ARHGEF3: variants seen among roughly 807,000 people sequenced by gnomAD.
ARHGEF3 encodes Rho guanine nucleotide exchange factor 3, also known as 59.8 kDA protein.
In ARHGEF3, 28 loss-of-function variants were observed where a neutral mutation model predicts 63.2. That is an observed-to-expected ratio of 0.44 (90% CI 0.33 to 0.61). The LOEUF (loss-of-function observed/expected upper bound fraction) is 0.61, where lower values mean the gene tolerates loss of function less well. Among genes scored for constraint, ARHGEF3 ranks in the 20% least tolerant of loss-of-function variants. The pLI, the probability that ARHGEF3 is intolerant of heterozygous loss-of-function variation, is 0.03. For synonymous variants in ARHGEF3, 266 were observed against 254.2 expected (o/e 1.05, Z -0.44); for missense variants, 533 against 659.3 (o/e 0.81, Z 2.10).
rs537848963 is a variant in ARHGEF3 at position 57,010,177 on chromosome 3, G to A, written c.62+24911C>T. On this transcript the variant is annotated intron_variant, in intron 2 of 12. Transcript: ENST00000338458. Reference sequence around the variant, plus strand: ...CCATTATTAAAAACCACAGTGGGCCGGGCGTGGTGGCTCACGCCTGTAATC... The same window carrying A: ...CCATTATTAAAAACCACAGTGGGCCAGGCGTGGTGGCTCACGCCTGTAATC... Among the ~76,000 whole-genome samples, 584 of 152,248 alleles carry A rather than the reference G, an allele frequency of 3.8e-3. 7 individuals are homozygous for A. Among genetic ancestry groups the A allele is most frequent in the African/African-American group, 5.0e-3 (206 of 41,566 alleles).
intron 8 of ARHGEF3, among the ~76,000 whole-genome samples, chr3:56,733,527 A>G (rs1023197740): frequency 6.6e-6 from 1 of 152,052 alleles, no homozygotes; most frequent in African/African-American, 2.4e-5. Flanking sequence ...GTCTATAAAA[A>G]ATGAGACTGG....
At chr3:56,964,117 C>T (rs947587072) in intron 2 of ARHGEF3, among the ~76,000 whole-genome samples, 10 of 151,966 alleles carry the variant, frequency 6.6e-5, no homozygotes, top group African/African-American at 1.9e-4. Context: ...TTTGGGAGGC[C>T]GAGGCAGGCA....
intron 3 of ARHGEF3, among the ~76,000 whole-genome samples, chr3:56,913,138 C>T (rs1017190532): frequency 7.3e-6 from 1 of 137,648 alleles, no homozygotes; most frequent in South Asian, 2.4e-4. Context: ...CAGAGCAAGA[C>T]CTTGTCTCCT....
At chr3:56,766,334 G>A (rs2035700333) in intron 2 of ARHGEF3, among the ~76,000 whole-genome samples, 1 of 152,198 alleles carries the variant, frequency 6.6e-6, no homozygotes, top group Non-Finnish European at 1.5e-5. Flanking sequence ...AGAGGATGGA[G>A]CAATGAGAGG....
rs1347165680 is a variant in ARHGEF3 at position 56,728,655 on chromosome 3, TC to T, written c.*614del. 1.3e-5 allele frequency: 2 copies of T among 152,598 alleles called. No individual in the cohort carries two copies. The highest frequency in any genetic ancestry group is 2.9e-5 in the Non-Finnish European group (2 of 68,184). 9.5% of individuals were successfully genotyped at this position (152,598 alleles called of 1,614,324 possible). A position where few individuals can be genotyped will look rare whatever the true frequency, so the allele number is the denominator to read the frequency against. On this transcript the variant is annotated 3_prime_UTR_variant, in exon 10 of 10. Coordinates refer to ENST00000296315, the MANE Select transcript of ARHGEF3 (RefSeq NM_019555.3). ...TTTTATGTCCTAATACATTCTTGCA[TC>T]AAACTTGCACTGGATGAAGTTGCAA...
In ARHGEF3 at chr3:56,897,049, A is replaced by G. The variant is rs149655493; in HGVS notation, c.130-14695T>C. On this transcript the variant is annotated intron_variant, in intron 3 of 12. Coordinates refer to the ARHGEF3 transcript ENST00000338458. ...TTTAGTGTCCACTGACGATTTTTCA[A>G]CTCTATCATCCCTTCAATGTTTATA... is the stretch of plus-strand genomic sequence containing the variant. Among the ~76,000 whole-genome samples the G allele has an allele frequency of 7.2e-5, 11 of 152,156 alleles. No homozygotes were observed. In the East Asian group the frequency reaches 1.9e-3, roughly 27 times the overall value.
intron 4 of ARHGEF3, among the ~76,000 whole-genome samples, chr3:56,862,421 CA>C (rs1192546587): frequency 6.6e-6 from 1 of 152,154 alleles, no homozygotes; most frequent in Non-Finnish European, 1.5e-5. Flanking sequence ...AAGCTTTTAT[CA>C]GGATTATTTC....
Position 56,959,133 on chromosome 3 carries a change from A to G in ARHGEF3, c.63-244T>C, listed in dbSNP as rs564913329. Reference sequence around the variant, plus strand: ...GCCCTTCATCTGTATAAAGTAAAATAAAATCTAACACGCAACCTGGATGCA... The same window carrying G: ...GCCCTTCATCTGTATAAAGTAAAATGAAATCTAACACGCAACCTGGATGCA... On this transcript the variant is annotated intron_variant, in intron 2 of 12. Coordinates refer to the ARHGEF3 transcript ENST00000338458. Among the ~76,000 whole-genome samples the G allele has an allele frequency of 1.0e-3, 155 of 152,302 alleles. 1 individual carries two copies. Among genetic ancestry groups the G allele is most frequent in the Middle Eastern group, 6.8e-3 (2 of 294 alleles).
intron 1 of ARHGEF3, among the ~76,000 whole-genome samples, chr3:57,060,141 G>A (rs899916922): frequency 2.0e-5 from 3 of 152,014 alleles, no homozygotes; most frequent in Admixed American, 1.3e-4. Context: ...ACAACATAGC[G>A]AGACCCCATC....
chr3:56,872,892 A>C (rs575211357), intron 4 of ARHGEF3, among the ~76,000 whole-genome samples: 4 of 152,358 alleles, frequency 2.6e-5, no homozygotes, highest in African/African-American at 9.6e-5. Flanking sequence ...ACTTAACAAT[A>C]AAGTTGATTT....
At chr3:56,951,516 C>T (rs1699812378) in intron 3 of ARHGEF3, among the ~76,000 whole-genome samples, 1 of 152,000 alleles carries the variant, frequency 6.6e-6, no homozygotes, top group Non-Finnish European at 1.5e-5. Flanking sequence ...GAAACCAAAA[C>T]ATCCATGTAA....
At chr3:57,016,422 G>C (rs186423329) in intron 2 of ARHGEF3, among the ~76,000 whole-genome samples, 32 of 151,754 alleles carry the variant, frequency 2.1e-4, no homozygotes, top group African/African-American at 7.0e-4. Flanking sequence ...GATGGTGGGC[G>C]CCTATAATCT....
At chr3:56,942,815 T>A (rs1699254253) in intron 3 of ARHGEF3, among the ~76,000 whole-genome samples, 1 of 152,192 alleles carries the variant, frequency 6.6e-6, no homozygotes, top group Admixed American at 6.5e-5. Context: ...CAAAACAGCC[T>A]TATCGCTAAT....
At chr3:56,996,581 A>C (rs1027762555) in intron 2 of ARHGEF3, among the ~76,000 whole-genome samples, 1 of 152,222 alleles carries the variant, frequency 6.6e-6, no homozygotes, top group Non-Finnish European at 1.5e-5. Flanking sequence ...GGCCCTCACA[A>C]GATGCTGAAT....
At chr3:56,801,055 C>T (rs1398074614) in intron 1 of ARHGEF3, among the ~76,000 whole-genome samples, 2 of 152,218 alleles carry the variant, frequency 1.3e-5, no homozygotes, top group African/African-American at 2.4e-5. Context: ...TTCCAATGTT[C>T]CAAGGCAGCT....
intron 2 of ARHGEF3, among the ~76,000 whole-genome samples, chr3:57,000,930 T>A (rs1246606971): frequency 6.6e-6 from 1 of 152,018 alleles, no homozygotes; most frequent in African/African-American, 2.4e-5. Flanking sequence ...TATAACCTTC[T>A]GCAATTTTAT....
At chr3:56,860,830 G>A (rs917433135) in intron 4 of ARHGEF3, among the ~76,000 whole-genome samples, 2 of 152,212 alleles carry the variant, frequency 1.3e-5, no homozygotes, top group Non-Finnish European at 2.9e-5. Flanking sequence ...GGGATGACGT[G>A]ATTAATACGT....
At chr3:57,073,500 C>T in intron 1 of ARHGEF3, 3 of 792,770 alleles carry the variant, frequency 3.8e-6, no homozygotes, top group Non-Finnish European at 5.7e-6. Context: ...AAAACCTCTG[C>T]AGTATCTGGG....
At chr3:56,946,191 A>G (rs548373371) in intron 3 of ARHGEF3, among the ~76,000 whole-genome samples, 2 of 152,352 alleles carry the variant, frequency 1.3e-5, no homozygotes, top group South Asian at 4.1e-4. Flanking sequence ...AACAGAGCAG[A>G]AAATCTAGAA....
Sources: gnomAD v4.1 joint callset for allele counts (sites outside exome capture counted in the v4.1 genomes callset) on GRCh38, gnomAD v4.1.1 for gene constraint, MANE v1.5 for transcripts, NCBI Gene and HGNC (gene_info 2026-07-23, HGNC 2026-07-21) for gene names.